RFX4: variants seen among roughly 807,000 people sequenced by gnomAD.
The protein encoded by RFX4 is regulatory factor X4.
A neutral mutation model predicts 95.0 loss-of-function variants in RFX4; 10 were observed. The ratio of observed to expected loss-of-function variants is 0.11; its 90% CI spans 0.06 to 0.18. RFX4 has a LOEUF of 0.18. RFX4 is among the 10% of genes least tolerant of loss of function. RFX4 has a pLI of 1.00. For synonymous variants in RFX4, 321 were observed against 340.7 expected (o/e 0.94, Z 0.64); for missense variants, 640 against 922.0 (o/e 0.69, Z 3.96).
At chr12:106,635,087 G>A (rs1442460250) in intron 2 of RFX4, among the ~76,000 whole-genome samples, 1 of 152,188 alleles carries the variant, frequency 6.6e-6, no homozygotes, top group Non-Finnish European at 1.5e-5. Flanking sequence ...TGAAGCTCAA[G>A]TAAGTTGAGT....
In RFX4 at chr12:106,762,044, C is replaced by G. The variant is rs895695029; in HGVS notation, c.*575C>G. ...CTAAATGGGGAGCTATCTGGAAACT[C>G]TAGATTTTCTGTCATACCCACATCT... On this transcript the variant is annotated 3_prime_UTR_variant, in exon 18 of 18. Coordinates refer to ENST00000392842, the MANE Select transcript of RFX4 (RefSeq NM_213594.3). 1.3e-5 allele frequency: 2 copies of G among 152,682 alleles called. No homozygotes were observed. The highest frequency in any genetic ancestry group is 2.9e-5 in the Non-Finnish European group (2 of 68,108). 9.5% of individuals were successfully genotyped at this position (152,682 alleles called of 1,614,324 possible).
At chr12:106,612,051 A>G (rs1239155214) in intron 2 of RFX4, among the ~76,000 whole-genome samples, 1 of 152,040 alleles carries the variant, frequency 6.6e-6, no homozygotes. Context: ...GTGACCTTTC[A>G]TGTTCTTCTT....
chr12:106,674,099 C>T (rs2041344501), intron 4 of RFX4, among the ~76,000 whole-genome samples: 1 of 152,246 alleles, frequency 6.6e-6, no homozygotes, highest in Non-Finnish European at 1.5e-5. Flanking sequence ...CCTCCTGCCA[C>T]TCCCTCGCCC....
At chr12:106,730,498 G>A (rs2042589347) in intron 13 of RFX4, among the ~76,000 whole-genome samples, 1 of 152,202 alleles carries the variant, frequency 6.6e-6, no homozygotes, top group South Asian at 2.1e-4. Flanking sequence ...TACTAATGAA[G>A]AGACTCATTT....
In RFX4 at chr12:106,747,574, G is replaced by C. The variant is rs1467178311; in HGVS notation, c.1771G>C (p.Val591Leu). The change falls in exon 16 of 18, where the codon GTT becomes CTT. Residue 591 changes from valine (V) to leucine (L), a missense_variant. Around this residue, in one of 7 missense-constraint regions of RFX4, gnomAD observed 300 missense variants for 346.8 expected, o/e 0.87. Coordinates refer to ENST00000392842, the MANE Select transcript of RFX4 (RefSeq NM_213594.3). ...PSSSVTHRIP[V>L]YPHREEHGYT... The stretch of plus-strand genomic sequence containing the variant: ...TTCCTCCGTCACACACAGGATACCA[G>C]TTTATCCCCACAGAGAGGAACATGG... 6.2e-7 allele frequency: 1 copy of C among 1,613,988 alleles called. No individual in the cohort carries two copies. The highest frequency in any genetic ancestry group is 8.5e-7 in the Non-Finnish European group (1 of 1,179,978).
intron 2 of RFX4, among the ~76,000 whole-genome samples, chr12:106,612,634 T>G (rs1402279868): frequency 6.6e-6 from 1 of 152,140 alleles, no homozygotes; most frequent in Non-Finnish European, 1.5e-5. Context: ...GGTCAGGAGT[T>G]CGAAACCAGC....
At chr12:106,587,513 G>T (rs1156693987) in intron 1 of RFX4, among the ~76,000 whole-genome samples, 3 of 152,204 alleles carry the variant, frequency 2.0e-5, no homozygotes, top group Non-Finnish European at 1.5e-5. Context: ...TGTGAGTGCT[G>T]GACCATCCTG....
chr12:106,624,971 T>G (rs2040263358), intron 2 of RFX4, among the ~76,000 whole-genome samples: 1 of 152,180 alleles, frequency 6.6e-6, no homozygotes, highest in African/African-American at 2.4e-5. Context: ...AGAGGACTGC[T>G]TTTTCTGGCA....
intron 8 of RFX4, among the ~76,000 whole-genome samples, chr12:106,704,165 C>T (rs2042041661): frequency 6.7e-6 from 1 of 149,198 alleles, no homozygotes; most frequent in Non-Finnish European, 1.5e-5. Context: ...TTCAAGAAAA[C>T]CACAATATTC....
chr12:106,706,196 G>T (rs1793372833), intron 8 of RFX4, among the ~76,000 whole-genome samples: 1 of 152,272 alleles, frequency 6.6e-6, no homozygotes, highest in Admixed American at 6.5e-5. Flanking sequence ...AGTTGGAGTT[G>T]GAGGCCAGAG....
At chr12:106,607,478 A>C (rs1013045476) in intron 1 of RFX4, among the ~76,000 whole-genome samples, 2 of 151,370 alleles carry the variant, frequency 1.3e-5, no homozygotes, top group Non-Finnish European at 2.9e-5. Flanking sequence ...GGTGTGACTC[A>C]TAACACAACG....
chr12:106,727,265 T>C (rs1176405726), intron 13 of RFX4, among the ~76,000 whole-genome samples: 1 of 152,168 alleles, frequency 6.6e-6, no homozygotes, highest in African/African-American at 2.4e-5. Context: ...AAAAAAAGCA[T>C]TTGATACATT....
At chr12:106,712,173 G>A (rs1049959330) in intron 10 of RFX4, among the ~76,000 whole-genome samples, 2 of 152,224 alleles carry the variant, frequency 1.3e-5, no homozygotes, top group African/African-American at 4.8e-5. Flanking sequence ...GGCCAAATCT[G>A]GCCCTCAGAT....
chr12:106,668,312 C>T (rs938951469), intron 4 of RFX4, among the ~76,000 whole-genome samples: 2 of 152,184 alleles, frequency 1.3e-5, no homozygotes, highest in African/African-American at 4.8e-5. Flanking sequence ...GCTCCCAGTT[C>T]AGTCAGCCCT....
intron 5 of RFX4, chr12:106,684,624 TA>T: frequency 7.8e-7 from 1 of 1,275,780 alleles, no homozygotes; most frequent in Non-Finnish European, 1.0e-6. Context: ...GTGAACTTTT[TA>T]AGGTTACGGT....
At chr12:106,708,867 T>TA (rs1432642282) in intron 8 of RFX4, among the ~76,000 whole-genome samples, 1 of 152,182 alleles carries the variant, frequency 6.6e-6, no homozygotes, top group Non-Finnish European at 1.5e-5. Flanking sequence ...TTTGCTAATT[T>TA]AAAAATATGC....
intron 2 of RFX4, among the ~76,000 whole-genome samples, chr12:106,628,970 G>T (rs1360103198): frequency 6.6e-6 from 1 of 151,914 alleles, no homozygotes; most frequent in Admixed American, 6.6e-5. Flanking sequence ...TGTTGGTTAG[G>T]CTGGTCTCGA....
At position 106,719,977 on chromosome 12, in the gene RFX4, C is replaced by T. The variant is rs773058059; in HGVS notation, c.1156C>T (p.His386Tyr). The T allele has an allele frequency of 1.2e-6, 2 of 1,614,038 alleles. No homozygotes were observed. The highest frequency in any genetic ancestry group is 1.1e-5 in the South Asian group (1 of 91,060). Reference protein sequence around the residue: ...LITQLYQEFDHLLEEQSPIES... With the variant: ...LITQLYQEFDYLLEEQSPIES... Reference sequence around the variant, plus strand: ...TTTGACAGTATATCAGGAGTTTGACCATCTCTTGGAGGAGCAGTCTCCCAT... The same window carrying T: ...TTTGACAGTATATCAGGAGTTTGACTATCTCTTGGAGGAGCAGTCTCCCAT... The change falls in exon 12 of 18, where the codon CAT becomes TAT. Residue 386 changes from histidine to tyrosine, a missense_variant. This residue lies in a region of RFX4 where 72 missense variants were observed against 80.5 expected (regional missense o/e 0.89). Transcript: ENST00000392842.
intron 7 of RFX4, among the ~76,000 whole-genome samples, chr12:106,690,253 T>C (rs1418137056): frequency 1.3e-5 from 2 of 152,210 alleles, no homozygotes; most frequent in African/African-American, 4.8e-5. Flanking sequence ...TGGGAGTGTG[T>C]TGGTAAAGAA....
Sources: gnomAD v4.1 joint callset for allele counts (sites outside exome capture counted in the v4.1 genomes callset) on GRCh38, gnomAD v4.1.1 for gene constraint, gnomAD v4.1.1 regional missense constraint, MANE v1.5 for transcripts, NCBI Gene and HGNC (gene_info 2026-07-23, HGNC 2026-07-21) for gene names.